The following ADAMTSL1 variants were observed in gnomAD, a reference collection of about 807,000 sequenced individuals.
ADAMTSL1 encodes the protein ADAMTS like 1, also known as ADAMTS-like protein 1.
Under a neutral mutation model 201.8 loss-of-function variants are expected in ADAMTSL1, and 126 were observed. The ratio of observed to expected loss-of-function variants is 0.62; its 90% CI spans 0.54 to 0.72. The LOEUF (loss-of-function observed/expected upper bound fraction) is 0.72. Among genes scored for constraint, ADAMTSL1 ranks in the 30% least tolerant of loss-of-function variants. The pLI is 0.00. For synonymous variants in ADAMTSL1, 1,121 were observed against 903.4 expected (o/e 1.24, Z -4.32); for missense variants, 2,679 against 2,277.8 (o/e 1.18, Z -3.59).
intron 9 of ADAMTSL1, among the ~76,000 whole-genome samples, chr9:18,672,502 G>A (rs1373108805): frequency 6.6e-6 from 1 of 152,098 alleles, no homozygotes; most frequent in African/African-American, 2.4e-5. Context: ...TTTTATATGT[G>A]TGTGCATATA....
chr9:18,824,198 GA>G (rs1402240109), intron 21 of ADAMTSL1, among the ~76,000 whole-genome samples: 1 of 151,430 alleles, frequency 6.6e-6, no homozygotes, highest in African/African-American at 2.4e-5. Context: ...TTTTAAATGG[GA>G]AAAAAACTAA....
At chr9:18,527,261 G>A (rs542399423) in intron 2 of ADAMTSL1, among the ~76,000 whole-genome samples, 9 of 152,288 alleles carry the variant, frequency 5.9e-5, no homozygotes, top group African/African-American at 2.2e-4. Context: ...AACATTCTTT[G>A]CTTTTTAGCA....
intron 2 of ADAMTSL1, among the ~76,000 whole-genome samples, chr9:18,516,422 T>C (rs1052591264): frequency 3.7e-4 from 57 of 152,162 alleles, no homozygotes; most frequent in Admixed American, 1.2e-3. Flanking sequence ...CTAACTAATA[T>C]ACCAACCTCA....
At chr9:18,711,022 A>G (rs1832552016) in intron 14 of ADAMTSL1, among the ~76,000 whole-genome samples, 1 of 152,238 alleles carries the variant, frequency 6.6e-6, no homozygotes, top group African/African-American at 2.4e-5. Context: ...CTGTATATTT[A>G]GTATTGCAGA....
intron 23 of ADAMTSL1, among the ~76,000 whole-genome samples, chr9:18,836,675 A>C (rs1386582643): frequency 3.3e-5 from 5 of 152,200 alleles, no homozygotes; most frequent in Non-Finnish European, 7.3e-5. Flanking sequence ...TTAAATCTGT[A>C]GATTGCCTTG....
At chr9:18,750,710 C>G (rs1819421376) in intron 15 of ADAMTSL1, among the ~76,000 whole-genome samples, 1 of 152,178 alleles carries the variant, frequency 6.6e-6, no homozygotes, top group African/African-American at 2.4e-5. Context: ...ACATTGATCA[C>G]CTCTCACAGT....
intron 2 of ADAMTSL1, among the ~76,000 whole-genome samples, chr9:18,414,477 C>T (rs932488314): frequency 2.6e-5 from 4 of 151,958 alleles, no homozygotes; most frequent in Admixed American, 6.6e-5. Flanking sequence ...TACACTCATG[C>T]GTGAAACAAC....
At chr9:18,253,626 G>A (rs930898398) in intron 2 of ADAMTSL1, among the ~76,000 whole-genome samples, 2 of 152,114 alleles carry the variant, frequency 1.3e-5, no homozygotes, top group Non-Finnish European at 2.9e-5. Flanking sequence ...GCAAAGTCAG[G>A]GGAAAATGCT....
intron 2 of ADAMTSL1, among the ~76,000 whole-genome samples, chr9:18,233,347 T>G (rs1830716016): frequency 1.3e-5 from 2 of 152,198 alleles, no homozygotes; most frequent in Admixed American, 6.5e-5. Flanking sequence ...ACAATAACCA[T>G]TAACACTTCG....
Position 17,921,129 on chromosome 9 carries a change from C to T in ADAMTSL1, c.87+14207C>T, listed in dbSNP as rs547187369. On this transcript the variant is annotated intron_variant, in intron 1 of 29. Coordinates refer to the ADAMTSL1 transcript ENST00000680146. ...TTATTTGGCCTCTTGGGTTGTTCATCATCTCTTAAAATCTTTTGTATTTAT... is the reference window on the plus strand; with the variant it reads ...TTATTTGGCCTCTTGGGTTGTTCATTATCTCTTAAAATCTTTTGTATTTAT... Among the ~76,000 whole-genome samples the T allele has an allele frequency of 2.6e-5, 4 of 152,294 alleles. No homozygotes were observed. The East Asian group carries it at 5.8e-4, about 22-fold the overall frequency.
intron 1 of ADAMTSL1, among the ~76,000 whole-genome samples, chr9:18,030,672 G>C (rs999730740): frequency 3.0e-4 from 46 of 152,002 alleles, no homozygotes; most frequent in Non-Finnish European, 6.0e-4. Flanking sequence ...TTAATTTCTT[G>C]AATTTGCATG....
At chr9:18,104,140 G>C (rs986270385) in intron 1 of ADAMTSL1, among the ~76,000 whole-genome samples, 1 of 152,130 alleles carries the variant, frequency 6.6e-6, no homozygotes, top group African/African-American at 2.4e-5. Context: ...AAAAGCTGAG[G>C]CCTAGGAGTA....
At chr9:18,622,576 T>G (rs556815314) in intron 5 of ADAMTSL1, 2 of 673,280 alleles carry the variant, frequency 3.0e-6, no homozygotes, top group Non-Finnish European at 5.0e-6. Context: ...AGGAAGCCTG[T>G]CCTTCTGAGG....
intron 1 of ADAMTSL1, among the ~76,000 whole-genome samples, chr9:18,014,396 C>G (rs561500527): frequency 6.6e-6 from 1 of 152,112 alleles, no homozygotes; most frequent in African/African-American, 2.4e-5. Flanking sequence ...GTAACCATAA[C>G]ACTGGTTTTT....
intron 1 of ADAMTSL1, among the ~76,000 whole-genome samples, chr9:18,088,020 A>G (rs189637948): frequency 6.6e-6 from 1 of 152,294 alleles, no homozygotes; most frequent in Admixed American, 6.5e-5. Context: ...ACAAAGCTAT[A>G]GTAATTAAAA....
At chr9:17,979,198 A>G (rs1170672131) in intron 1 of ADAMTSL1, among the ~76,000 whole-genome samples, 1 of 152,024 alleles carries the variant, frequency 6.6e-6, no homozygotes, top group Non-Finnish European at 1.5e-5. Context: ...ATAAACCTGG[A>G]TGTCCATATT....
chr9:18,343,670 C>T (rs1835570794), intron 2 of ADAMTSL1, among the ~76,000 whole-genome samples: 1 of 152,128 alleles, frequency 6.6e-6, no homozygotes, highest in Non-Finnish European at 1.5e-5. Context: ...GAGATGAAAA[C>T]TTATTTCAGA....
chr9:18,517,410 T>A (rs936219888), intron 2 of ADAMTSL1, among the ~76,000 whole-genome samples: 5 of 150,464 alleles, frequency 3.3e-5, no homozygotes, highest in Non-Finnish European at 5.9e-5. Flanking sequence ...CTTTTTCTTT[T>A]TTTTTAATTT....
At chr9:18,888,478 CT>C (rs1829042318) in intron 24 of ADAMTSL1, among the ~76,000 whole-genome samples, 1 of 152,206 alleles carries the variant, frequency 6.6e-6, no homozygotes, top group Admixed American at 6.5e-5. Context: ...GAGTCTTCAG[CT>C]TTAGTCATAA....
Sources: allele counts gnomAD v4.1 joint callset (sites outside exome capture counted in the v4.1 genomes callset), GRCh38; gene constraint gnomAD v4.1.1; transcripts MANE v1.5; gene names NCBI Gene and HGNC (gene_info 2026-07-23, HGNC 2026-07-21).